Variants in LPCAT1 observed in about 807,000 individuals in gnomAD.
LPCAT1 encodes lysophosphatidylcholine acyltransferase 1, also known as 1-acylglycerol-3-phosphate O-acyltransferase.
LPCAT1 carries 23 observed loss-of-function variants against 60.9 expected under a neutral mutation model. The ratio of observed to expected loss-of-function variants is 0.38; its 90% CI spans 0.27 to 0.53. The LOEUF (loss-of-function observed/expected upper bound fraction) is 0.53. LPCAT1 is among the 20% of genes least tolerant of loss of function. LPCAT1 has a pLI of 0.82. For synonymous variants in LPCAT1, 340 were observed against 301.1 expected (o/e 1.13, Z -1.34); for missense variants, 622 against 723.6 (o/e 0.86, Z 1.61).
chr5:1,467,236 C>T (rs2911488), intron 12 of LPCAT1: 4,004 of 264,332 alleles, frequency 0.015, 164 homozygotes, highest in African/African-American at 0.082. Flanking sequence ...CGGGCGAGCG[C>T]GGCGCAAGCT....
In LPCAT1 at chr5:1,487,819, G is replaced by C. The variant is rs1467290116; in HGVS notation, c.667+572C>G. 6.6e-6 allele frequency among the ~76,000 whole-genome samples: 1 copy of C among 152,194 alleles called. No individual in the cohort carries two copies. On this transcript the variant is annotated intron_variant, in intron 5 of 13. Transcript: ENST00000283415. This position sits in a 1 kb window ranked among gnomAD's most constrained non-coding sequence, Gnocchi z 6.1. ...ATTCCAAACAGACTCAGCGCAAAAAGAACAGTGGACTCTGCTGCCTGCTCA... is the reference window on the plus strand; with the variant it reads ...ATTCCAAACAGACTCAGCGCAAAAACAACAGTGGACTCTGCTGCCTGCTCA...
At chr5:1,464,753 AAACAAGC>A (rs1734266437) in intron 13 of LPCAT1, among the ~76,000 whole-genome samples, 1 of 139,742 alleles carries the variant, frequency 7.2e-6, no homozygotes, top group South Asian at 2.3e-4. Flanking sequence ...CACACACACA[AAACAAGC>A]ACACACACGG....
Position 1,463,717 on chromosome 5 carries a change from G to T in LPCAT1, c.1539C>A (p.Phe513Leu). 6.2e-7 allele frequency: 1 copy of T among 1,614,280 alleles called. No individual in the cohort carries two copies. Among genetic ancestry groups the T allele is most frequent in the Non-Finnish European group, 8.5e-7 (1 of 1,180,048 alleles). Residue 513 changes from phenylalanine to leucine, a missense_variant, in exon 14 of 14, where the codon TTC becomes TTA. Physicochemically the swap from Phe to Leu is conservative, Grantham distance 22 (BLOSUM62 0). This residue lies in a region of LPCAT1 where 288 missense variants were observed against 283.6 expected (regional missense o/e 1.02). Transcript: ENST00000283415. ...ETSPAPIPNG[F>L]CADFSPENSD... ...AGTTTTCCGGGCTGAAATCGGCACAGAAGCCGTTTGGGATTGGCGCAGGTG... is the reference window on the plus strand; with the variant it reads ...AGTTTTCCGGGCTGAAATCGGCACATAAGCCGTTTGGGATTGGCGCAGGTG...
chr5:1,492,239 CT>C (rs996932531), intron 3 of LPCAT1, among the ~76,000 whole-genome samples: 2 of 150,948 alleles, frequency 1.3e-5, no homozygotes, highest in Admixed American at 6.6e-5. Context: ...GGGGAGATGT[CT>C]CTGAGCTGGA....
Position 1,522,105 on chromosome 5 carries a change from G to C in LPCAT1, c.135+1605C>G, listed in dbSNP as rs1415124039. On this transcript the variant is annotated intron_variant, in intron 1 of 13. Coordinates refer to ENST00000283415, the MANE Select transcript of LPCAT1 (RefSeq NM_024830.5). The surrounding 1 kb of genome is among the most constrained non-coding windows in gnomAD (Gnocchi z 6.8). Reference sequence around the variant, plus strand: ...GCATGCCTGAGGCAGCCATAGCTGGGGCAGGAGCAGGGCTGGGGAAGCCCT... The same window carrying C: ...GCATGCCTGAGGCAGCCATAGCTGGCGCAGGAGCAGGGCTGGGGAAGCCCT... Among the ~76,000 whole-genome samples the C allele has an allele frequency of 2.0e-5, 3 of 152,202 alleles. No homozygotes were observed. Among genetic ancestry groups the C allele is most frequent in the East Asian group, 3.9e-4 (2 of 5,192 alleles).
intron 4 of LPCAT1, 70 bp from the exon 5 acceptor site, chr5:1,488,521 C>G (rs916070666): frequency 2.0e-6 from 2 of 998,480 alleles, no homozygotes; most frequent in African/African-American, 3.3e-5. Context: ...TTACAGAAGC[C>G]AATCTTCACA....
At chr5:1,468,285 T>C (rs1219206001) in intron 12 of LPCAT1, among the ~76,000 whole-genome samples, 1 of 152,220 alleles carries the variant, frequency 6.6e-6, no homozygotes, top group Non-Finnish European at 1.5e-5. Flanking sequence ...GGTCTACGTT[T>C]CTCTCCTGCT....
At position 1,487,093 on chromosome 5, in the gene LPCAT1, A is replaced by C. The variant is rs1735399124; in HGVS notation, c.667+1298T>G. ...GGCCTCCCTGCAGGCACGAGGCTCCACTCCCGAGGAACACCTGCCCTTGAA... is the reference window on the plus strand; with the variant it reads ...GGCCTCCCTGCAGGCACGAGGCTCCCCTCCCGAGGAACACCTGCCCTTGAA... On this transcript the variant is annotated intron_variant, in intron 5 of 13. Transcript: ENST00000283415. The surrounding 1 kb of genome is among the most constrained non-coding windows in gnomAD (Gnocchi z 6.1). Among the ~76,000 whole-genome samples the C allele has an allele frequency of 6.6e-6, 1 of 152,106 alleles. No homozygotes were observed. Among genetic ancestry groups the C allele is most frequent in the Non-Finnish European group, 1.5e-5 (1 of 68,014 alleles).
intron 13 of LPCAT1, among the ~76,000 whole-genome samples, chr5:1,465,786 C>T (rs1410591726): frequency 2.0e-5 from 3 of 152,220 alleles, no homozygotes; most frequent in African/African-American, 7.2e-5. Context: ...TAAACATGCA[C>T]ACTTTCAATA....
Position 1,501,426 on chromosome 5 carries a change from C to A in LPCAT1, c.278+35G>T, listed in dbSNP as rs371670880. The A allele has an allele frequency of 1.8e-4, 292 of 1,580,200 alleles. No homozygotes were observed. The African/African-American group carries it at 3.7e-3, about 20-fold the overall frequency. On this transcript the variant is annotated intron_variant, in intron 2 of 13. Transcript: ENST00000283415. ...CCCACTGTTTGGCCGCGTGACCCCC[C>A]CCCAGGAGGAGAGCACGGCACACGC...
intron 1 of LPCAT1, among the ~76,000 whole-genome samples, chr5:1,519,690 A>G (rs1009423218): frequency 2.0e-5 from 3 of 152,230 alleles, no homozygotes; most frequent in Non-Finnish European, 4.4e-5. Flanking sequence ...AAAGGATGAC[A>G]GTGACCAGAG....
At chr5:1,491,479 T>C (rs981322633) in intron 3 of LPCAT1, among the ~76,000 whole-genome samples, 7 of 117,990 alleles carry the variant, frequency 5.9e-5, no homozygotes, top group African/African-American at 2.3e-4. Context: ...CACACTCAGA[T>C]GGGTCCGGGG....
chr5:1,507,035 G>A (rs1255123449), intron 1 of LPCAT1, among the ~76,000 whole-genome samples: 5 of 152,246 alleles, frequency 3.3e-5, no homozygotes, highest in Non-Finnish European at 7.3e-5. Context: ...GGGCTGTTGC[G>A]TGGACAAGGT....
intron 1 of LPCAT1, among the ~76,000 whole-genome samples, chr5:1,508,728 T>A (rs1490830976): frequency 6.6e-6 from 1 of 152,204 alleles, no homozygotes; most frequent in African/African-American, 2.4e-5. Context: ...ACTCTTGGCT[T>A]AAATGTAAAC....
At chr5:1,466,925 C>G in intron 12 of LPCAT1, 35 bp from the exon 13 acceptor site, 1 of 1,505,118 alleles carries the variant, frequency 6.6e-7, no homozygotes, top group Non-Finnish European at 8.9e-7. Flanking sequence ...TTGCAGCCTC[C>G]TCCCCTGCCC....
chr5:1,466,702 G>GC, intron 13 of LPCAT1, 47 bp downstream of exon 13: 1 of 1,579,224 alleles, frequency 6.3e-7, no homozygotes, highest in Non-Finnish European at 8.6e-7. Flanking sequence ...ACTCTGTCCA[G>GC]CCCCCGCCCA....
rs1195096012 is a variant in LPCAT1, at chr5:1,463,594, G to A, written c.*57C>T. ...GGAGCCCAGAGGTCACTCGCAAAGA[G>A]GCTCATGGCGGTGATGTCCACGCGG... is the stretch of plus-strand genomic sequence containing the variant. On this transcript the variant is annotated 3_prime_UTR_variant, in exon 14 of 14. Coordinates refer to ENST00000283415, the MANE Select transcript of LPCAT1 (RefSeq NM_024830.5). The A allele has an allele frequency of 1.3e-6, 2 of 1,583,032 alleles. No individual in the cohort carries two copies. Among genetic ancestry groups the A allele is most frequent in the Non-Finnish European group, 1.7e-6 (2 of 1,159,638 alleles).
Position 1,463,515 on chromosome 5 carries a change from G to A in LPCAT1, c.*136C>T. On this transcript the variant is annotated 3_prime_UTR_variant, in exon 14 of 14. Transcript: ENST00000283415. The stretch of plus-strand genomic sequence containing the variant: ...AAGGAACAAGATACAAACAGCCCCC[G>A]AGGCCCCTGGAACTCGGGCTGAAGA... 1 of 889,778 alleles carries A rather than the reference G, an allele frequency of 1.1e-6. No individual in the cohort carries two copies. Among genetic ancestry groups the A allele is most frequent in the East Asian group, 2.6e-5 (1 of 37,770 alleles). 55.1% of individuals were successfully genotyped at this position (889,778 alleles called of 1,614,324 possible).
rs1402475964 is a variant in LPCAT1, at chr5:1,474,091, C to T, written c.1045G>A (p.Glu349Lys). ...RGLGLKPEKL[E>K]KDLDRYSERA... The stretch of plus-strand genomic sequence containing the variant: ...TCTGAGTATCTGTCCAGATCTTTTT[C>T]AAGCTTTTCTGGTTTTAGCCTAGAC... Residue 349 changes from glutamate (E) to lysine (K), a missense_variant, in exon 11 of 14, where the codon GAA (glutamate) becomes AAA (lysine). This residue lies in a region of LPCAT1 where 288 missense variants were observed against 283.6 expected (regional missense o/e 1.02). Coordinates refer to ENST00000283415, the MANE Select transcript of LPCAT1 (RefSeq NM_024830.5). 6.2e-7 allele frequency: 1 copy of T among 1,612,892 alleles called. No individual in the cohort carries two copies. The highest frequency in any genetic ancestry group is 8.5e-7 in the Non-Finnish European group (1 of 1,179,662).
Sources: gnomAD v4.1 joint callset for allele counts (sites outside exome capture counted in the v4.1 genomes callset) on GRCh38, gnomAD v4.1.1 for gene constraint, gnomAD v4.1.1 regional missense constraint, Gnocchi (gnomAD v3.1) non-coding constraint, MANE v1.5 for transcripts, NCBI Gene and HGNC (gene_info 2026-07-23, HGNC 2026-07-21) for gene names.